The following CCDC178 variants were observed in gnomAD, a reference collection of about 807,000 sequenced individuals.
CCDC178 encodes coiled-coil domain-containing protein 178.
CCDC178 carries 126 observed loss-of-function variants against 117.4 expected under a neutral mutation model. That is an observed-to-expected ratio of 1.07 (90% CI 0.93 to 1.24). CCDC178 has a LOEUF of 1.24. Among genes scored for constraint, CCDC178 ranks in the 50% most tolerant of loss-of-function variants. CCDC178 has a pLI of 0.00. For synonymous variants in CCDC178, 283 were observed against 313.4 expected, an observed-to-expected ratio of 0.90 and a Z score of 1.02; for missense variants, 1,030 against 986.9, an observed-to-expected ratio of 1.04 and a Z score of -0.59.
intron 21 of CCDC178, among the ~76,000 whole-genome samples, chr18:33,016,223 T>C (rs1234045950): frequency 6.6e-6 from 1 of 152,046 alleles, no homozygotes; most frequent in Non-Finnish European, 1.5e-5. Flanking sequence ...ATGATATATA[T>C]TAAGTATTGA....
chr18:33,080,439 A>G (rs1288705875), intron 21 of CCDC178, among the ~76,000 whole-genome samples: 1 of 152,094 alleles, frequency 6.6e-6, no homozygotes, highest in East Asian at 1.9e-4. Flanking sequence ...AGAAAAGAAG[A>G]GGAGATCTGG....
At chr18:32,995,911 A>ATATCTATATCTG (rs2055494010) in intron 21 of CCDC178, among the ~76,000 whole-genome samples, 1 of 143,396 alleles carries the variant, frequency 7.0e-6, no homozygotes, top group Non-Finnish European at 1.5e-5. Context: ...AATTTTATCT[A>ATATCTATATCTG]TATCTATATC....
chr18:32,963,781 G>T (rs546227511), intron 22 of CCDC178, among the ~76,000 whole-genome samples: 15 of 152,064 alleles, frequency 9.9e-5, no homozygotes, highest in Admixed American at 9.9e-4. Flanking sequence ...TCCTCTATGA[G>T]ATTCAAGCTC....
chr18:32,975,845 C>T (rs1298334684), intron 21 of CCDC178, among the ~76,000 whole-genome samples: 1 of 152,006 alleles, frequency 6.6e-6, no homozygotes, highest in Non-Finnish European at 1.5e-5. Context: ...TGATGGGTTA[C>T]ATATGCAGGA....
At chr18:33,166,139 G>C (rs1453774129) in intron 20 of CCDC178, among the ~76,000 whole-genome samples, 1 of 152,078 alleles carries the variant, frequency 6.6e-6, no homozygotes, top group Non-Finnish European at 1.5e-5. Flanking sequence ...ATAGTTTATA[G>C]GTCCTTCCTC....
chr18:33,018,640 G>C (rs1307150693), intron 21 of CCDC178, among the ~76,000 whole-genome samples: 7 of 152,024 alleles, frequency 4.6e-5, no homozygotes, highest in African/African-American at 7.2e-5. Context: ...GTGACGAAAG[G>C]CTATATCTAC....
At chr18:33,015,636 A>G (rs1478906865) in intron 21 of CCDC178, among the ~76,000 whole-genome samples, 4 of 151,890 alleles carry the variant, frequency 2.6e-5, no homozygotes, top group Non-Finnish European at 4.4e-5. Context: ...AATATGGTAA[A>G]TAGAAAAAAA....
intron 6 of CCDC178, among the ~76,000 whole-genome samples, chr18:33,367,229 T>C (rs1218172749): frequency 6.6e-6 from 1 of 152,080 alleles, no homozygotes; most frequent in East Asian, 1.9e-4. Context: ...TGTTCTCACT[T>C]TCTTGTGGGA....
intron 21 of CCDC178, among the ~76,000 whole-genome samples, chr18:33,064,967 A>G (rs2056986152): frequency 6.6e-6 from 1 of 152,110 alleles, no homozygotes; most frequent in Admixed American, 6.5e-5. Flanking sequence ...CATCACATCA[A>G]GTGAATAAGC....
At chr18:32,973,036 C>G (rs1203873473) in intron 22 of CCDC178, among the ~76,000 whole-genome samples, 1 of 152,010 alleles carries the variant, frequency 6.6e-6, no homozygotes, top group Non-Finnish European at 1.5e-5. Flanking sequence ...TAACCTATCC[C>G]ATCCCTTCAT....
At chr18:33,058,048 T>C (rs902653929) in intron 21 of CCDC178, among the ~76,000 whole-genome samples, 1 of 151,988 alleles carries the variant, frequency 6.6e-6, no homozygotes, top group African/African-American at 2.4e-5. Context: ...ACATTGCTGA[T>C]GGGATTGTAA....
intron 20 of CCDC178, among the ~76,000 whole-genome samples, chr18:33,098,216 T>G (rs1308750953): frequency 6.6e-6 from 1 of 152,130 alleles, no homozygotes; most frequent in Non-Finnish European, 1.5e-5. Flanking sequence ...ACTATACATT[T>G]AAGTACAAAA....
chr18:33,368,109 A>G (rs1298810885), intron 6 of CCDC178, among the ~76,000 whole-genome samples: 1 of 152,014 alleles, frequency 6.6e-6, no homozygotes, highest in Non-Finnish European at 1.5e-5. Context: ...ACAAATTCCA[A>G]CTGTAGTGCT....
chr18:33,317,919 C>T (rs1275714246), intron 11 of CCDC178, among the ~76,000 whole-genome samples: 1 of 152,238 alleles, frequency 6.6e-6, no homozygotes, highest in East Asian at 1.9e-4. Flanking sequence ...CCTCAGGCCT[C>T]ATTATAATCT....
intron 21 of CCDC178, among the ~76,000 whole-genome samples, chr18:33,016,608 A>G (rs897412368): frequency 1.3e-5 from 2 of 152,044 alleles, no homozygotes; most frequent in Non-Finnish European, 2.9e-5. Flanking sequence ...CATTTGTATG[A>G]CAGTAACAGA....
chr18:32,968,876 G>T (rs575488800), intron 22 of CCDC178, among the ~76,000 whole-genome samples: 7 of 151,928 alleles, frequency 4.6e-5, no homozygotes, highest in Admixed American at 1.3e-4. Context: ...TTCTGTTGTG[G>T]TTTTTTTCCT....
At chr18:33,356,685 A>G (rs561176780) in intron 6 of CCDC178, among the ~76,000 whole-genome samples, 7 of 152,298 alleles carry the variant, frequency 4.6e-5, no homozygotes, top group African/African-American at 1.7e-4. Flanking sequence ...CAGAAATCTT[A>G]AGATAAACAA....
At chr18:33,217,618 T>C (rs1181536407) in intron 18 of CCDC178, among the ~76,000 whole-genome samples, 1 of 152,088 alleles carries the variant, frequency 6.6e-6, no homozygotes. Context: ...TTTGTCATTA[T>C]TGGTCATGTA....
intron 12 of CCDC178, among the ~76,000 whole-genome samples, chr18:33,275,303 ATATT>A (rs1018178327): frequency 2.8e-4 from 43 of 151,912 alleles, no homozygotes; most frequent in Non-Finnish European, 5.0e-4. Flanking sequence ...TATTTCAGAA[ATATT>A]TATTTTGAAA....
Sources: allele counts gnomAD v4.1 joint callset (sites outside exome capture counted in the v4.1 genomes callset), GRCh38; gene constraint gnomAD v4.1.1; transcripts MANE v1.5; gene names NCBI Gene and HGNC (gene_info 2026-07-23, HGNC 2026-07-21).